The following RASSF5 variants were observed in gnomAD, a reference collection of about 807,000 sequenced individuals.
The protein encoded by RASSF5 is ras association domain-containing protein 5.
A neutral mutation model predicts 40.5 loss-of-function variants in RASSF5; 25 were observed. The ratio of observed to expected loss-of-function variants is 0.62; its 90% CI spans 0.45 to 0.86. The LOEUF is 0.86. Among genes scored for constraint, RASSF5 ranks in the 40% least tolerant of loss-of-function variants. The pLI, the probability that RASSF5 is intolerant of heterozygous loss-of-function variation, is 0.00. For synonymous variants in RASSF5, 246 were observed against 252.4 expected (o/e 0.97, Z 0.24); for missense variants, 521 against 572.8 (o/e 0.91, Z 0.92).
chr1:206,578,963 C>T (rs899502908), intron 2 of RASSF5, among the ~76,000 whole-genome samples: 1 of 152,110 alleles, frequency 6.6e-6, no homozygotes, highest in Admixed American at 6.5e-5. Flanking sequence ...AGGCCCCAGA[C>T]GAAAGGGGTA....
rs1268815464 is a variant in RASSF5, at chr1:206,588,656, C to A, written c.*1678C>A. 1 of 152,422 alleles carries A rather than the reference C, an allele frequency of 6.6e-6. No individual in the cohort carries two copies. Among genetic ancestry groups the A allele is most frequent in the African/African-American group, 2.4e-5 (1 of 41,454 alleles). The allele number at this position is 152,422 out of a possible 1,614,324, so 9.4% of individuals were successfully genotyped here. A position where few individuals can be genotyped will look rare whatever the true frequency, so the allele number is the denominator to read the frequency against. ...CCTGATCCCAGAAGGAATGCTGACC[C>A]CTCGTCGTATGAACTGTGCATAGTC... is the stretch of plus-strand genomic sequence containing the variant. On this transcript the variant is annotated 3_prime_UTR_variant, in exon 6 of 6. Transcript: ENST00000579436.
rs1480722738 is a variant in RASSF5, at chr1:206,535,139, T to C, written c.458-3033T>C. Among the ~76,000 whole-genome samples, 1 of 151,920 alleles carries C rather than the reference T, an allele frequency of 6.6e-6. No individual in the cohort carries two copies. The highest frequency in any genetic ancestry group is 1.5e-5 in the Non-Finnish European group (1 of 67,988). ...ACTGAGGTGAGCCCGGGAGGTGGAG[T>C]TTGCAGAGAGCCACGATAGTGCCAC... On this transcript the variant is annotated intron_variant, in intron 1 of 5. Coordinates refer to ENST00000579436, the MANE Select transcript of RASSF5 (RefSeq NM_182663.4). This position sits in a 1 kb window ranked among gnomAD's most constrained non-coding sequence, Gnocchi z 5.0.
chr1:206,512,309 C>T (rs6682303), intron 1 of RASSF5, among the ~76,000 whole-genome samples: 4 of 151,904 alleles, frequency 2.6e-5, no homozygotes, highest in African/African-American at 4.8e-5. Flanking sequence ...CGCTGCAGCC[C>T]GTTTTTCCTC....
At chr1:206,554,667 C>T (rs560626046) in intron 2 of RASSF5, among the ~76,000 whole-genome samples, 2 of 152,288 alleles carry the variant, frequency 1.3e-5, no homozygotes, top group Non-Finnish European at 2.9e-5. Context: ...TTACCCTGGC[C>T]AAGCTATCAC....
intron 1 of RASSF5, among the ~76,000 whole-genome samples, chr1:206,510,240 G>A (rs1478960373): frequency 6.6e-6 from 1 of 152,106 alleles, no homozygotes; most frequent in Non-Finnish European, 1.5e-5. Flanking sequence ...AAAAGCAAGT[G>A]TCAGAAATAG....
chr1:206,556,202 T>G (rs1317360859), intron 2 of RASSF5, among the ~76,000 whole-genome samples: 27 of 152,056 alleles, frequency 1.8e-4, no homozygotes, highest in Admixed American at 1.6e-3. Context: ...TTGCTGAGGG[T>G]CTGTACATGA....
intron 2 of RASSF5, chr1:206,542,736 T>A (rs1209796031): frequency 1.3e-5 from 2 of 152,212 alleles, no homozygotes; most frequent in Non-Finnish European, 2.9e-5. Flanking sequence ...AACATTTCTC[T>A]TTAAATAGAC....
At chr1:206,520,317 G>T (rs1325747286) in intron 1 of RASSF5, among the ~76,000 whole-genome samples, 1 of 152,140 alleles carries the variant, frequency 6.6e-6, no homozygotes, top group Admixed American at 6.6e-5. Context: ...TAAGAAAATG[G>T]GTTTGGTGGC....
intron 2 of RASSF5, among the ~76,000 whole-genome samples, chr1:206,577,017 C>T (rs192215141): frequency 1.3e-5 from 2 of 150,282 alleles, no homozygotes; most frequent in Admixed American, 6.6e-5. Context: ...CACTATGTTG[C>T]CCAGACTGGT....
chr1:206,537,962 G>A (rs1667458859), intron 1 of RASSF5, among the ~76,000 whole-genome samples: 1 of 146,250 alleles, frequency 6.8e-6, no homozygotes, highest in Admixed American at 6.6e-5. Context: ...GGTGAAAGCA[G>A]TTTGCAAACG....
rs1341187771 is a variant in RASSF5 at position 206,523,528 on chromosome 1, T to C, written c.458-14644T>C. On this transcript the variant is annotated intron_variant, in intron 1 of 5. Coordinates refer to ENST00000579436, the MANE Select transcript of RASSF5 (RefSeq NM_182663.4). ...TTTATATATTATATATTATATATTTTATATATTATATATATAAATATATAT... is the reference window on the plus strand; with the variant it reads ...TTTATATATTATATATTATATATTTCATATATTATATATATAAATATATAT... Among the ~76,000 whole-genome samples the C allele has an allele frequency of 4.9e-5, 5 of 102,826 alleles. No homozygotes were observed. In the East Asian group the frequency reaches 1.2e-3, roughly 24 times the overall value. 67.5% of individuals were successfully genotyped at this position (102,826 alleles called of 152,430 possible). A position where few individuals can be genotyped will look rare whatever the true frequency, so the allele number is the denominator to read the frequency against.
At chr1:206,545,278 T>C (rs1486061059) in intron 2 of RASSF5, among the ~76,000 whole-genome samples, 10 of 152,314 alleles carry the variant, frequency 6.6e-5, no homozygotes, top group African/African-American at 2.2e-4. Context: ...GTATTTCTCT[T>C]TACAGTTAAT....
rs1667246260 is a variant in RASSF5, at chr1:206,531,886, A to AT, written c.458-6285dup. Among the ~76,000 whole-genome samples the AT allele has an allele frequency of 6.6e-6, 1 of 151,822 alleles. No individual in the cohort carries two copies. Among genetic ancestry groups the AT allele is most frequent in the African/African-American group, 2.4e-5 (1 of 41,312 alleles). ...CCCTGTCTCTACTAAAAAAAAATAA[A>AT]TAAATAAATACAAAAATTAGCCAGG... On this transcript the variant is annotated intron_variant, in intron 1 of 5. Coordinates refer to ENST00000579436, the MANE Select transcript of RASSF5 (RefSeq NM_182663.4). This position sits in a 1 kb window ranked among gnomAD's most constrained non-coding sequence, Gnocchi z 4.7.
chr1:206,525,205 C>A (rs781851193), intron 1 of RASSF5, among the ~76,000 whole-genome samples: 15 of 152,124 alleles, frequency 9.9e-5, no homozygotes, highest in Non-Finnish European at 2.2e-4. Flanking sequence ...GATTAATGTG[C>A]CTGCCCGAGA....
At chr1:206,530,703 G>C (rs1383258649) in intron 1 of RASSF5, among the ~76,000 whole-genome samples, 1 of 152,242 alleles carries the variant, frequency 6.6e-6, no homozygotes, top group Non-Finnish European at 1.5e-5. Context: ...CAGGGGGCCG[G>C]CAGAGGCTTC....
At chr1:206,533,855 A>C (rs1191720411) in intron 1 of RASSF5, among the ~76,000 whole-genome samples, 1 of 152,154 alleles carries the variant, frequency 6.6e-6, no homozygotes, top group African/African-American at 2.4e-5. Context: ...GTCGCACTGG[A>C]GTAGGATGGC....
intron 2 of RASSF5, among the ~76,000 whole-genome samples, chr1:206,576,080 A>G (rs1316629008): frequency 5.9e-5 from 9 of 152,262 alleles, no homozygotes; most frequent in African/African-American, 2.2e-4. Context: ...AAGCTTAGGC[A>G]CCAAACTAAT....
chr1:206,582,267 C>T (rs1244873977), intron 2 of RASSF5, among the ~76,000 whole-genome samples: 1 of 152,180 alleles, frequency 6.6e-6, no homozygotes, highest in Non-Finnish European at 1.5e-5. Flanking sequence ...CCTCAATCTC[C>T]TCAATTTCAT....
chr1:206,528,665 G>C (rs182448969), intron 1 of RASSF5, among the ~76,000 whole-genome samples: 1 of 152,118 alleles, frequency 6.6e-6, no homozygotes, highest in African/African-American at 2.4e-5. Context: ...TGTAGGGGCA[G>C]GGGGTATAAA....
Sources: gnomAD v4.1 joint callset for allele counts (sites outside exome capture counted in the v4.1 genomes callset) on GRCh38, gnomAD v4.1.1 for gene constraint, Gnocchi (gnomAD v3.1) non-coding constraint, MANE v1.5 for transcripts, NCBI Gene and HGNC (gene_info 2026-07-23, HGNC 2026-07-21) for gene names.